Variants in VPS41 observed in about 807,000 individuals in gnomAD.
The protein encoded by VPS41 is vacuolar protein sorting-associated protein 41 homolog.
Under a neutral mutation model 130.9 loss-of-function variants are expected in VPS41, and 85 were observed. That is an observed-to-expected ratio of 0.65 (90% CI 0.55 to 0.78). The LOEUF (loss-of-function observed/expected upper bound fraction) is 0.78. VPS41 is among the 30% of genes least tolerant of loss of function. The pLI is 0.00. For missense variants in VPS41, 874 were observed against 1,018.7 expected, an observed-to-expected ratio of 0.86 and a Z score of 1.93; for synonymous variants, 335 against 332.9, an observed-to-expected ratio of 1.01 and a Z score of -0.07.
chr7:38,726,800 T>C, intron 28 of VPS41, 109 bp downstream of exon 28: 1 of 822,284 alleles, frequency 1.2e-6, no homozygotes, highest in Non-Finnish European at 1.7e-6. Flanking sequence ...CACATTGTAA[T>C]TTTTTTTTAA....
At position 38,821,154 on chromosome 7, in the gene VPS41, CCTTA is replaced by C. The variant is rs776339412; in HGVS notation, c.384+45_384+48del. On this transcript the variant is annotated intron_variant, in intron 6 of 28. Transcript: ENST00000310301. Reference sequence around the variant, plus strand: ...GTTCAAATTACTGTAATCCATATTGCCTTACTTGAGAAAACCCTTAGAAAAAGTA... The same window carrying C: ...GTTCAAATTACTGTAATCCATATTGCCTTGAGAAAACCCTTAGAAAAAGTA... 6 of 1,391,540 alleles carry C rather than the reference CCTTA, an allele frequency of 4.3e-6. No individual in the cohort carries two copies. In the African/African-American group the frequency reaches 5.7e-5, roughly 13 times the overall value. 86.2% of individuals were successfully genotyped at this position (1,391,540 alleles called of 1,614,324 possible).
intron 2 of VPS41, among the ~76,000 whole-genome samples, chr7:38,886,867 G>A (rs1262801771): frequency 6.6e-6 from 1 of 152,160 alleles, no homozygotes; most frequent in Non-Finnish European, 1.5e-5. Context: ...GCCTCTGCTG[G>A]TGACACCTAG....
intron 25 of VPS41, among the ~76,000 whole-genome samples, chr7:38,735,954 T>G (rs1486478302): frequency 6.6e-6 from 1 of 152,126 alleles, no homozygotes; most frequent in African/African-American, 2.4e-5. Context: ...ATGGACAATT[T>G]GTCATTTTTT....
intron 5 of VPS41, among the ~76,000 whole-genome samples, chr7:38,825,573 G>A (rs776751189): frequency 9.2e-5 from 14 of 152,046 alleles, no homozygotes; most frequent in Admixed American, 2.0e-4. Context: ...TAAAGGTTAC[G>A]AGAGAGGACC....
intron 28 of VPS41, 116 bp from the exon 29 acceptor site, chr7:38,726,442 A>G (rs2115557817): frequency 1.4e-6 from 1 of 738,060 alleles, no homozygotes; most frequent in East Asian, 2.7e-5. Flanking sequence ...ATAGGATGGC[A>G]CTCCTTTCTC....
At chr7:38,895,328 A>C (rs1786959286) in intron 2 of VPS41, among the ~76,000 whole-genome samples, 1 of 152,172 alleles carries the variant, frequency 6.6e-6, no homozygotes, top group Admixed American at 6.5e-5. Flanking sequence ...TCTAAAAAAA[A>C]ATAAAAATAA....
chr7:38,743,632 T>C (rs960285547), intron 23 of VPS41, 90 bp from the exon 24 acceptor site: 18 of 1,468,390 alleles, frequency 1.2e-5, no homozygotes, highest in Middle Eastern at 1.8e-4. Flanking sequence ...TTTGTTTACA[T>C]AGGTGGAAAG....
chr7:38,872,012 C>T (rs1260730940), intron 2 of VPS41, among the ~76,000 whole-genome samples: 1 of 152,182 alleles, frequency 6.6e-6, no homozygotes. Flanking sequence ...TTTACAGTTT[C>T]TAAGGGTAGG....
At chr7:38,883,225 G>T (rs1475593578) in intron 2 of VPS41, among the ~76,000 whole-genome samples, 3 of 152,220 alleles carry the variant, frequency 2.0e-5, no homozygotes, top group Non-Finnish European at 4.4e-5. Flanking sequence ...CTGGGTGACA[G>T]AGTGAGACTC....
chr7:38,776,955 G>A (rs1277499292), intron 10 of VPS41, among the ~76,000 whole-genome samples, 179 bp from the exon 11 acceptor site: 3 of 152,086 alleles, frequency 2.0e-5, no homozygotes, highest in Non-Finnish European at 4.4e-5. Context: ...GATCAATCCT[G>A]GAAACGAATA....
chr7:38,751,789 G>A (rs917361691), intron 22 of VPS41, among the ~76,000 whole-genome samples: 4 of 152,184 alleles, frequency 2.6e-5, no homozygotes, highest in South Asian at 4.1e-4. Flanking sequence ...ATTCCTGACT[G>A]GAGCAACTGC....
At chr7:38,894,667 T>G (rs1197885798) in intron 2 of VPS41, among the ~76,000 whole-genome samples, 1 of 152,170 alleles carries the variant, frequency 6.6e-6, no homozygotes, top group East Asian at 1.9e-4. Context: ...AGACCCATTT[T>G]TCACACGAGG....
chr7:38,725,972 T>A lies in VPS41; in HGVS notation c.*274A>T, dbSNP rs752024348. ...AAAATTCATTTCTAACTCCTAGACT[T>A]ATGTTTCCATTACTATATAAAGAAT... On this transcript the variant is annotated 3_prime_UTR_variant, in exon 29 of 29. Coordinates refer to ENST00000310301, the MANE Select transcript of VPS41 (RefSeq NM_014396.4). 236 of 322,604 alleles carry A rather than the reference T, an allele frequency of 7.3e-4. 1 individual carries two copies. Among genetic ancestry groups the A allele is most frequent in the Non-Finnish European group, 1.1e-3 (196 of 176,886 alleles). The allele number at this position is 322,604 out of a possible 1,614,324, so 20.0% of individuals were successfully genotyped here.
chr7:38,811,545 T>C (rs1784942562), intron 7 of VPS41, among the ~76,000 whole-genome samples: 1 of 151,790 alleles, frequency 6.6e-6, no homozygotes, highest in Non-Finnish European at 1.5e-5. Flanking sequence ...TTTAAATAAA[T>C]TATTCTAAAT....
intron 2 of VPS41, among the ~76,000 whole-genome samples, chr7:38,882,013 C>A (rs569953257): frequency 5.9e-5 from 9 of 152,256 alleles, no homozygotes; most frequent in African/African-American, 2.2e-4. Flanking sequence ...GTGTCCCATA[C>A]AAGCATTCTA....
Position 38,900,045 on chromosome 7 carries a change from C to G in VPS41, c.22-1916G>C, listed in dbSNP as rs145148597. ...GGTGGATCACCTGAGGTAAGGAGTT[C>G]AAGACCAGACTGGCCAACATGGTGA... On this transcript the variant is annotated intron_variant, in intron 1 of 28. Coordinates refer to ENST00000310301, the MANE Select transcript of VPS41 (RefSeq NM_014396.4). Among the ~76,000 whole-genome samples, 1,332 of 152,182 alleles carry G rather than the reference C, an allele frequency of 8.8e-3. 8 individuals are homozygous for G. The highest frequency in any genetic ancestry group is 0.017 in the Middle Eastern group (5 of 294).
chr7:38,837,819 A>G (rs1427409858), intron 4 of VPS41, among the ~76,000 whole-genome samples: 1 of 152,244 alleles, frequency 6.6e-6, no homozygotes, highest in Admixed American at 6.5e-5. Flanking sequence ...GTGCTAAGTT[A>G]TTAATGTTTG....
intron 4 of VPS41, among the ~76,000 whole-genome samples, chr7:38,836,501 T>C (rs1220407894): frequency 6.6e-6 from 1 of 152,176 alleles, no homozygotes; most frequent in Non-Finnish European, 1.5e-5. Flanking sequence ...GAAACTATTT[T>C]ACTTTTGAGA....
At chr7:38,813,567 T>G (rs543670438) in intron 7 of VPS41, among the ~76,000 whole-genome samples, 4 of 152,270 alleles carry the variant, frequency 2.6e-5, no homozygotes, top group East Asian at 1.9e-4. Flanking sequence ...GCTAAAAAAA[T>G]AATGACTTAA....
Sources: gnomAD v4.1 joint callset for allele counts (sites outside exome capture counted in the v4.1 genomes callset) on GRCh38, gnomAD v4.1.1 for gene constraint, MANE v1.5 for transcripts, NCBI Gene and HGNC (gene_info 2026-07-23, HGNC 2026-07-21) for gene names.